EBF3: variants seen among roughly 807,000 people sequenced by gnomAD.
EBF3 encodes the protein EBF transcription factor 3.
In EBF3, 18 loss-of-function variants were observed where a neutral mutation model predicts 77.1. The observed-to-expected ratio is 0.23, with a 90% confidence interval of 0.16 to 0.35. The LOEUF (loss-of-function observed/expected upper bound fraction) is 0.35, where lower values mean the gene tolerates loss of function less well. EBF3 is among the 10% of genes least tolerant of loss of function. The pLI, the probability that EBF3 is intolerant of heterozygous loss-of-function variation, is 1.00. For missense variants in EBF3, 558 were observed against 860.0 expected (o/e 0.65, Z 4.39); for synonymous variants, 350 against 343.5 (o/e 1.02, Z -0.21).
At position 129,842,657 on chromosome 10, in the gene EBF3, G is replaced by A. The variant is rs903273521; in HGVS notation, c.1195-364C>T. 9.9e-5 allele frequency among the ~76,000 whole-genome samples: 15 copies of A among 151,744 alleles called. No individual in the cohort carries two copies. The highest frequency in any genetic ancestry group is 2.7e-4 in the African/African-American group (11 of 41,236). Reference sequence around the variant, plus strand: ...CAAACGCCTGTAATCCCAGCTACTCGGGAGCCTGAGGCAGGAGAATCGCTT... The same window carrying A: ...CAAACGCCTGTAATCCCAGCTACTCAGGAGCCTGAGGCAGGAGAATCGCTT... On this transcript the variant is annotated intron_variant, in intron 12 of 16. Transcript: ENST00000440978. The surrounding 1 kb of genome is among the most constrained non-coding windows in gnomAD (Gnocchi z 4.4).
chr10:129,887,315 G>A (rs1340667576), intron 6 of EBF3, among the ~76,000 whole-genome samples: 2 of 152,142 alleles, frequency 1.3e-5, no homozygotes, highest in East Asian at 1.9e-4. Context: ...TCATTTTATC[G>A]CTAATGTATA....
At chr10:129,950,813 GT>G (rs1858620933) in intron 6 of EBF3, among the ~76,000 whole-genome samples, 1 of 152,330 alleles carries the variant, frequency 6.6e-6, no homozygotes, top group African/African-American at 2.4e-5. Context: ...AGGAGCTTGT[GT>G]TCTGGCAAGC....
chr10:129,941,043 C>T (rs540408342), intron 6 of EBF3, among the ~76,000 whole-genome samples: 4 of 152,238 alleles, frequency 2.6e-5, no homozygotes, highest in East Asian at 1.9e-4. Flanking sequence ...CCCAGGAACA[C>T]GTGAGGGAGA....
intron 6 of EBF3, among the ~76,000 whole-genome samples, chr10:129,949,296 C>T (rs187059252): frequency 6.6e-6 from 1 of 152,258 alleles, no homozygotes; most frequent in East Asian, 1.9e-4. Flanking sequence ...GAGCAAAACT[C>T]CGTCTCAAAA....
Position 129,948,534 on chromosome 10 carries a change from C to A in EBF3, c.554+8724G>T, listed in dbSNP as rs903561486. ...CCAAGAGTGAACCCAATGTCAACTG[C>A]AGACTTTAGTTCATATTCGTGTATC... On this transcript the variant is annotated intron_variant, in intron 6 of 16. Transcript: ENST00000440978. Among the ~76,000 whole-genome samples, 9 of 143,398 alleles carry A rather than the reference C, an allele frequency of 6.3e-5. No individual in the cohort carries two copies. The Admixed American group carries it at 6.9e-4, about 11-fold the overall frequency. The allele number at this position is 143,398 out of a possible 152,430, so 94.1% of individuals were successfully genotyped here. A position where few individuals can be genotyped will look rare whatever the true frequency, so the allele number is the denominator to read the frequency against.
intron 6 of EBF3, among the ~76,000 whole-genome samples, chr10:129,894,194 G>A (rs1022529800): frequency 2.0e-5 from 3 of 152,180 alleles, no homozygotes; most frequent in Non-Finnish European, 4.4e-5. Flanking sequence ...GGTGTCTCCT[G>A]CGCAGAACTT....
At chr10:129,877,412 C>T (rs1054409764) in intron 7 of EBF3, among the ~76,000 whole-genome samples, 7 of 131,720 alleles carry the variant, frequency 5.3e-5, no homozygotes, top group East Asian at 2.5e-4. Flanking sequence ...ACCTGGGAGG[C>T]GGAGGTTGTA....
At position 129,885,752 on chromosome 10, in the gene EBF3, C is replaced by T. The variant is rs960680972; in HGVS notation, c.555-7903G>A. Among the ~76,000 whole-genome samples the T allele has an allele frequency of 4.6e-5, 7 of 152,144 alleles. No individual in the cohort carries two copies. The highest frequency in any genetic ancestry group is 1.0e-4 in the Non-Finnish European group (7 of 68,038). Reference sequence around the variant, plus strand: ...CTGTTCTATTTGCCAGCTCTGATCACGAAGCTCCTTATTTAAGAAAAATGC... The same window carrying T: ...CTGTTCTATTTGCCAGCTCTGATCATGAAGCTCCTTATTTAAGAAAAATGC... On this transcript the variant is annotated intron_variant, in intron 6 of 16. Transcript: ENST00000440978. The surrounding 1 kb of genome is among the most constrained non-coding windows in gnomAD (Gnocchi z 4.0).
At chr10:129,876,619 A>C (rs1487013334) in intron 7 of EBF3, among the ~76,000 whole-genome samples, 1 of 152,234 alleles carries the variant, frequency 6.6e-6, no homozygotes, top group Non-Finnish European at 1.5e-5. Context: ...AAATGCTTTG[A>C]GCTATTTGAT....
At chr10:129,869,342 T>C (rs2134088784) in intron 8 of EBF3, among the ~76,000 whole-genome samples, 1 of 152,252 alleles carries the variant, frequency 6.6e-6, no homozygotes, top group East Asian at 1.9e-4. Flanking sequence ...GGCCCAAAAA[T>C]GTAGTAACTA....
At chr10:129,849,835 A>G (rs1304726358) in intron 10 of EBF3, among the ~76,000 whole-genome samples, 1 of 152,256 alleles carries the variant, frequency 6.6e-6, no homozygotes, top group African/African-American at 2.4e-5. Flanking sequence ...TGCAAATAGT[A>G]AAGCTCTTCA....
At chr10:129,962,299 G>A in intron 3 of EBF3, 73 bp from the exon 4 acceptor site, 1 of 1,469,136 alleles carries the variant, frequency 6.8e-7, no homozygotes, top group Non-Finnish European at 9.5e-7. Context: ...CGGAGCACAG[G>A]AAGTCTGTAA....
chr10:129,892,184 T>C (rs1854064256), intron 6 of EBF3, among the ~76,000 whole-genome samples: 1 of 152,110 alleles, frequency 6.6e-6, no homozygotes, highest in African/African-American at 2.4e-5. Context: ...AACTGATGAG[T>C]AGCGGGGCTC....
intron 11 of EBF3, among the ~76,000 whole-genome samples, chr10:129,844,432 G>A (rs1850310188): frequency 6.6e-6 from 1 of 152,150 alleles, no homozygotes; most frequent in South Asian, 2.1e-4. Flanking sequence ...GCAGATTTCA[G>A]CCTGAACCTC....
intron 10 of EBF3, among the ~76,000 whole-genome samples, chr10:129,865,589 G>C (rs571974591): frequency 6.6e-6 from 1 of 152,292 alleles, no homozygotes; most frequent in East Asian, 1.9e-4. Context: ...GGAGAGTGCT[G>C]AGCTGTCGAC....
rs1171428949 is a variant in EBF3 at position 129,842,761 on chromosome 10, C to CCAA, written c.1194+375_1194+376insTTG. ...CCTGGGTGACAGAGCAAGACCCTGT[C>CCAA]TAAAAAAAAAAAAAAAAAAAGGGAG... On this transcript the variant is annotated intron_variant, in intron 12 of 16. Coordinates refer to ENST00000440978, the MANE Select transcript of EBF3 (RefSeq NM_001375380.1). The surrounding 1 kb of genome is among the most constrained non-coding windows in gnomAD (Gnocchi z 4.4). 4.3e-5 allele frequency among the ~76,000 whole-genome samples: 1 copy of CCAA among 23,390 alleles called. No individual in the cohort carries two copies. The highest frequency in any genetic ancestry group is 3.1e-4 in the African/African-American group (1 of 3,224). 15.3% of individuals were successfully genotyped at this position (23,390 alleles called of 152,430 possible). A position where few individuals can be genotyped will look rare whatever the true frequency, so the allele number is the denominator to read the frequency against.
chr10:129,843,705 G>C (rs1019515959), intron 11 of EBF3, among the ~76,000 whole-genome samples: 1 of 152,244 alleles, frequency 6.6e-6, no homozygotes, highest in Non-Finnish European at 1.5e-5. Flanking sequence ...AAATTTGCAA[G>C]TGAGTTCAGT....
In EBF3 at chr10:129,842,107, C is replaced by T. The variant is rs1564815895; in HGVS notation, c.1372+9G>A. ...TCAGGGCAGGGGTCCTCCCAGCATGCTGGCATACCTTGGTCGTTGGCTTGT... is the reference window on the plus strand; with the variant it reads ...TCAGGGCAGGGGTCCTCCCAGCATGTTGGCATACCTTGGTCGTTGGCTTGT... On this transcript the variant is annotated intron_variant, in intron 13 of 16. Coordinates refer to ENST00000440978, the MANE Select transcript of EBF3 (RefSeq NM_001375380.1). This position sits in a 1 kb window ranked among gnomAD's most constrained non-coding sequence, Gnocchi z 4.4. 6.2e-7 allele frequency: 1 copy of T among 1,614,188 alleles called. No individual in the cohort carries two copies. Among genetic ancestry groups the T allele is most frequent in the Non-Finnish European group, 8.5e-7 (1 of 1,180,016 alleles).
At chr10:129,951,508 C>T (rs1858679368) in intron 6 of EBF3, among the ~76,000 whole-genome samples, 2 of 152,386 alleles carry the variant, frequency 1.3e-5, no homozygotes, top group Admixed American at 1.3e-4. Flanking sequence ...CACCCTTGCA[C>T]AGGCAGACGG....
Sources: gnomAD v4.1 joint callset for allele counts (sites outside exome capture counted in the v4.1 genomes callset) on GRCh38, gnomAD v4.1.1 for gene constraint, Gnocchi (gnomAD v3.1) non-coding constraint, MANE v1.5 for transcripts, NCBI Gene and HGNC (gene_info 2026-07-23, HGNC 2026-07-21) for gene names.